Variants in AGBL1 observed in about 807,000 individuals in gnomAD.
The protein encoded by AGBL1 is AGBL carboxypeptidase 1, also known as cytosolic carboxypeptidase 4.
A neutral mutation model predicts 118.9 loss-of-function variants in AGBL1; 130 were observed. That is an observed-to-expected ratio of 1.09 (90% CI 0.95 to 1.26). The LOEUF (loss-of-function observed/expected upper bound fraction) is 1.26, where lower values mean the gene tolerates loss of function less well. Ranked by LOEUF, AGBL1 falls within the 50% of genes most tolerant of loss-of-function variation. The probability of loss-of-function intolerance (pLI) is 0.00; values close to 1 mark genes in which losing one functional copy is unlikely to be tolerated. For missense variants in AGBL1, 1,584 were observed against 1,298.1 expected (o/e 1.22, Z -3.38); for synonymous variants, 555 against 478.9 (o/e 1.16, Z -2.08).
At chr15:87,013,198 C>T (rs924625710) in intron 24 of AGBL1, among the ~76,000 whole-genome samples, 3 of 152,164 alleles carry the variant, frequency 2.0e-5, no homozygotes, top group Non-Finnish European at 2.9e-5. Flanking sequence ...ACTTCATCCT[C>T]ATTTTATTAA....
intron 5 of AGBL1, among the ~76,000 whole-genome samples, chr15:86,167,427 G>T (rs185499752): frequency 1.3e-5 from 2 of 152,080 alleles, no homozygotes; most frequent in East Asian, 3.9e-4. Flanking sequence ...TATATTTTTA[G>T]TAGAGATGGG....
intron 1 of AGBL1, among the ~76,000 whole-genome samples, chr15:86,098,392 C>T (rs530572278): frequency 1.6e-4 from 24 of 152,082 alleles, no homozygotes; most frequent in Admixed American, 1.2e-3. Context: ...TGCTTTGGGC[C>T]AATGTCCTAA....
intron 22 of AGBL1, among the ~76,000 whole-genome samples, chr15:86,757,134 G>A (rs1321365629): frequency 6.6e-6 from 1 of 152,020 alleles, no homozygotes; most frequent in Non-Finnish European, 1.5e-5. Flanking sequence ...TGAATGTCTA[G>A]ACAAGTTTAT....
intron 5 of AGBL1, among the ~76,000 whole-genome samples, chr15:86,193,777 G>A (rs1178921249): frequency 6.6e-6 from 1 of 152,154 alleles, no homozygotes; most frequent in Admixed American, 6.5e-5. Context: ...AAATTTTGGA[G>A]GCTGTTCAAA....
intron 22 of AGBL1, among the ~76,000 whole-genome samples, chr15:86,742,509 A>G (rs2077694674): frequency 6.6e-6 from 1 of 152,050 alleles, no homozygotes; most frequent in African/African-American, 2.4e-5. Flanking sequence ...AAGTATCACG[A>G]GATCAGATTA....
intron 22 of AGBL1, among the ~76,000 whole-genome samples, chr15:86,808,242 T>A (rs1193613365): frequency 6.6e-6 from 1 of 152,178 alleles, no homozygotes; most frequent in East Asian, 1.9e-4. Flanking sequence ...TGAGAGAATT[T>A]TAGAAGTGGT....
chr15:87,021,606 G>A lies in AGBL1; in HGVS notation c.3324-7219G>A, dbSNP rs76190477. Among the ~76,000 whole-genome samples, 539 of 152,220 alleles carry A rather than the reference G, an allele frequency of 3.5e-3. 2 individuals carry two copies. Among genetic ancestry groups the A allele is most frequent in the Non-Finnish European group, 6.0e-3 (410 of 68,014 alleles). ...TTTGCAATCTATCCATGTGACAAAG[G>A]CCTAATATCCAGAGTCTATAAGGAA... On this transcript the variant is annotated intron_variant, in intron 24 of 24. Coordinates refer to the AGBL1 transcript ENST00000441037.
intron 5 of AGBL1, among the ~76,000 whole-genome samples, chr15:86,181,832 T>C (rs1034757003): frequency 5.9e-5 from 9 of 152,100 alleles, no homozygotes; most frequent in Non-Finnish European, 1.3e-4. Flanking sequence ...AAATTACTTT[T>C]ATAATTATTA....
At chr15:86,452,496 T>C (rs1441037150) in intron 18 of AGBL1, among the ~76,000 whole-genome samples, 1 of 152,190 alleles carries the variant, frequency 6.6e-6, no homozygotes, top group African/African-American at 2.4e-5. Context: ...ATGGAAAAAT[T>C]GAGCCCTCCA....
chr15:86,693,496 A>G (rs1431135240), intron 22 of AGBL1, among the ~76,000 whole-genome samples: 1 of 151,854 alleles, frequency 6.6e-6, no homozygotes, highest in East Asian at 1.9e-4. Context: ...TAGATTCTGG[A>G]TATTAGTCCT....
chr15:86,342,484 T>C (rs1162981248), intron 17 of AGBL1, among the ~76,000 whole-genome samples: 1 of 152,196 alleles, frequency 6.6e-6, no homozygotes, highest in Non-Finnish European at 1.5e-5. Flanking sequence ...TTAAATATTT[T>C]TTTTATTAGA....
intron 22 of AGBL1, among the ~76,000 whole-genome samples, chr15:86,810,782 A>C (rs931633539): frequency 3.3e-5 from 5 of 152,130 alleles, no homozygotes; most frequent in African/African-American, 1.2e-4. Flanking sequence ...TAAAACATCC[A>C]TAAGCTCAAC....
At chr15:86,261,246 C>A (rs1051326081) in intron 9 of AGBL1, among the ~76,000 whole-genome samples, 2 of 152,172 alleles carry the variant, frequency 1.3e-5, no homozygotes, top group African/African-American at 2.4e-5. Flanking sequence ...GTGGGGACAT[C>A]CTTCCCAGTG....
chr15:86,633,863 ATGTATATATATAATGTATAT>A (rs2085029922), intron 21 of AGBL1, among the ~76,000 whole-genome samples: 1 of 43,434 alleles, frequency 2.3e-5, no homozygotes, highest in Admixed American at 3.1e-4. Context: ...TATATATATA[ATGTATATATATAATGTATAT>A]ATATATATAT....
intron 23 of AGBL1, among the ~76,000 whole-genome samples, chr15:86,939,405 A>C (rs1161513512): frequency 6.6e-6 from 1 of 152,122 alleles, no homozygotes; most frequent in Non-Finnish European, 1.5e-5. Flanking sequence ...TTGGACTTAC[A>C]CCAATGATTT....
intron 17 of AGBL1, among the ~76,000 whole-genome samples, chr15:86,319,104 T>A (rs1048354940): frequency 3.3e-5 from 5 of 152,228 alleles, no homozygotes; most frequent in Admixed American, 3.3e-4. Context: ...CTACTTTTGA[T>A]AACATCCGAG....
intron 22 of AGBL1, among the ~76,000 whole-genome samples, chr15:86,900,342 T>C (rs16978072): frequency 0.013 from 1,994 of 152,258 alleles, 84 homozygotes; most frequent in East Asian, 0.12. Flanking sequence ...CGTATGTTTC[T>C]TACTTTTCCT....
chr15:86,404,729 T>C (rs1278030807), intron 18 of AGBL1, among the ~76,000 whole-genome samples: 1 of 152,200 alleles, frequency 6.6e-6, no homozygotes, highest in Admixed American at 6.5e-5. Context: ...TACATGGGAT[T>C]ATGCAGATAA....
intron 22 of AGBL1, among the ~76,000 whole-genome samples, chr15:86,828,398 C>T (rs1293850840): frequency 6.8e-6 from 1 of 147,758 alleles, no homozygotes; most frequent in Admixed American, 6.7e-5. Flanking sequence ...TGTAGAATCT[C>T]GAGATGGGAA....
Sources: gnomAD v4.1 joint callset for allele counts (sites outside exome capture counted in the v4.1 genomes callset) on GRCh38, gnomAD v4.1.1 for gene constraint, MANE v1.5 for transcripts, NCBI Gene and HGNC (gene_info 2026-07-23, HGNC 2026-07-21) for gene names.